YARS1: variants seen among roughly 807,000 people sequenced by gnomAD.
YARS1 encodes tyrosine--tRNA ligase, cytoplasmic.
A neutral mutation model predicts 62.2 loss-of-function variants in YARS1; 36 were observed. The ratio of observed to expected loss-of-function variants is 0.58; its 90% CI spans 0.44 to 0.76. The LOEUF is 0.76. Among genes scored for constraint, YARS1 ranks in the 30% least tolerant of loss-of-function variants. The pLI is 0.00. For missense variants in YARS1, 524 were observed against 639.8 expected, an observed-to-expected ratio of 0.82 and a Z score of 1.95; for synonymous variants, 234 against 244.9, an observed-to-expected ratio of 0.96 and a Z score of 0.42.
chr1:32,806,401 T>TAAAGC, intron 4 of YARS1, 81 bp downstream of exon 4: 1 of 1,609,242 alleles, frequency 6.2e-7, no homozygotes, highest in Non-Finnish European at 8.5e-7. Context: ...CGTAGTGCAG[T>TAAAGC]AAAGCAAAGT....
intron 1 of YARS1, 126 bp from the exon 2 acceptor site, chr1:32,811,183 A>C: frequency 7.0e-7 from 1 of 1,418,890 alleles, no homozygotes; most frequent in South Asian, 1.2e-5. Context: ...AAGGAGGTCC[A>C]GCCATGTTCT....
chr1:32,797,690 C>T, intron 5 of YARS1, 73 bp downstream of exon 5: 2 of 1,251,186 alleles, frequency 1.6e-6, no homozygotes, highest in South Asian at 1.2e-5. Flanking sequence ...GGGACTGACA[C>T]ATCATAGTTC....
At chr1:32,781,565 A>G (rs1653058531) in intron 9 of YARS1, 1 of 175,146 alleles carries the variant, frequency 5.7e-6, no homozygotes, top group African/African-American at 2.4e-5. Flanking sequence ...TTAGAAAAAA[A>G]AAAAAAAAAT....
At chr1:32,781,176 A>G in intron 9 of YARS1, 31 bp from the exon 10 acceptor site, 2 of 1,584,774 alleles carry the variant, frequency 1.3e-6, no homozygotes, top group Middle Eastern at 1.7e-4. Flanking sequence ...ATGAGGTAGA[A>G]TTCTTCCCTG....
intron 4 of YARS1, among the ~76,000 whole-genome samples, chr1:32,806,172 G>A (rs1638463006): frequency 6.6e-6 from 1 of 152,076 alleles, no homozygotes; most frequent in African/African-American, 2.4e-5. Flanking sequence ...CACAGTTTGT[G>A]GTGCCCCAAA....
chr1:32,816,701 A>AG lies in YARS1; in HGVS notation c.57+486dup, dbSNP rs374446106. 2.5e-3 allele frequency: 407 copies of AG among 164,206 alleles called. 2 individuals are homozygous for AG. The highest frequency in any genetic ancestry group is 7.3e-3 in the African/African-American group (305 of 41,662). The allele number at this position is 164,206 out of a possible 1,614,324, so 10.2% of individuals were successfully genotyped here. A position where few individuals can be genotyped will look rare whatever the true frequency, so the allele number is the denominator to read the frequency against. ...TAACAAACGGAACATTTGTGGAGTGAGGGGGGGGGATCCATTTCCTTCAAG... is the reference window on the plus strand; with the variant it reads ...TAACAAACGGAACATTTGTGGAGTGAGGGGGGGGGGATCCATTTCCTTCAAG... On this transcript the variant is annotated intron_variant, in intron 1 of 12. Coordinates refer to ENST00000373477, the MANE Select transcript of YARS1 (RefSeq NM_003680.4).
intron 6 of YARS1, among the ~76,000 whole-genome samples, chr1:32,787,677 TTTTG>T (rs1463116916): frequency 1.3e-5 from 2 of 151,922 alleles, no homozygotes; most frequent in South Asian, 2.1e-4. Context: ...GCCCAGCTAA[TTTTG>T]TTTTTGTATT....
At chr1:32,805,203 C>T (rs1195803324) in intron 4 of YARS1, among the ~76,000 whole-genome samples, 4 of 114,126 alleles carry the variant, frequency 3.5e-5, no homozygotes, top group African/African-American at 1.3e-4. Flanking sequence ...GGCTCGGCAT[C>T]AGAGGGAGAC....
At position 32,786,072 on chromosome 1, in the gene YARS1, T is replaced by C. The variant is rs569535826; in HGVS notation, c.906+290A>G. Reference sequence around the variant, plus strand: ...ACATTTACTGATAAGAAATGTTTCCTGAGAAGAGGTGAGACAGAGTCCCTG... The same window carrying C: ...ACATTTACTGATAAGAAATGTTTCCCGAGAAGAGGTGAGACAGAGTCCCTG... On this transcript the variant is annotated intron_variant, in intron 8 of 12. Coordinates refer to ENST00000373477, the MANE Select transcript of YARS1 (RefSeq NM_003680.4). 2.6e-5 allele frequency among the ~76,000 whole-genome samples: 4 copies of C among 152,198 alleles called. No homozygotes were observed. The South Asian group carries it at 8.3e-4, about 32-fold the overall frequency.
rs146211698 is a variant in YARS1 at position 32,781,686 on chromosome 1, T to C, written c.1043-541A>G. The C allele has an allele frequency of 5.6e-3, 941 of 167,320 alleles. 10 individuals are homozygous for C. The highest frequency in any genetic ancestry group is 7.8e-3 in the Non-Finnish European group (600 of 77,326). 10.4% of individuals were successfully genotyped at this position (167,320 alleles called of 1,614,324 possible). A position where few individuals can be genotyped will look rare whatever the true frequency, so the allele number is the denominator to read the frequency against. ...CAACTAAGAGCCAGGCCCATGCACA[T>C]AGAAGGAAACTGGGAGAATCTAAAG... On this transcript the variant is annotated intron_variant, in intron 9 of 12. Coordinates refer to ENST00000373477, the MANE Select transcript of YARS1 (RefSeq NM_003680.4).
chr1:32,795,635 G>A (rs1418689153), intron 5 of YARS1, among the ~76,000 whole-genome samples: 3 of 151,380 alleles, frequency 2.0e-5, no homozygotes, highest in Admixed American at 2.0e-4. Context: ...GTGAAACCCT[G>A]TCTCTACTAA....
chr1:32,812,897 G>A (rs12042173), intron 1 of YARS1, among the ~76,000 whole-genome samples: 2 of 151,180 alleles, frequency 1.3e-5, no homozygotes, highest in African/African-American at 4.9e-5. Flanking sequence ...GAACCTGGAA[G>A]GTGGAGGTTG....
intron 1 of YARS1, among the ~76,000 whole-genome samples, chr1:32,813,391 T>TTACTGCAACCTCCGCC (rs1638628940): frequency 1.3e-5 from 2 of 152,254 alleles, no homozygotes; most frequent in Non-Finnish European, 2.9e-5. Flanking sequence ...TGATCTCCGC[T>TTACTGCAACCTCCGCC]TACTGCAACC....
At chr1:32,794,206 C>T (rs998656583) in intron 5 of YARS1, among the ~76,000 whole-genome samples, 14 of 151,738 alleles carry the variant, frequency 9.2e-5, no homozygotes, top group Non-Finnish European at 5.9e-5. Context: ...AAAAATTAGC[C>T]GGGCGTGGTG....
intron 10 of YARS1, among the ~76,000 whole-genome samples, 176 bp downstream of exon 10, chr1:32,780,872 A>AT (rs1653031294): frequency 6.6e-6 from 1 of 152,188 alleles, no homozygotes; most frequent in Non-Finnish European, 1.5e-5. Flanking sequence ...GTTGCATAAT[A>AT]TCCACAGGCA....
rs1032835961 is a variant in YARS1 at position 32,816,964 on chromosome 1, A to G, written c.57+224T>C. On this transcript the variant is annotated intron_variant, in intron 1 of 12. Coordinates refer to ENST00000373477, the MANE Select transcript of YARS1 (RefSeq NM_003680.4). ...GGATTCAAAGTTTGGCTCCAACACAAGACAACTGGACGCAAGAGGTGAGCC... is the reference window on the plus strand; with the variant it reads ...GGATTCAAAGTTTGGCTCCAACACAGGACAACTGGACGCAAGAGGTGAGCC... 4 of 618,670 alleles carry G rather than the reference A, an allele frequency of 6.5e-6. 1 individual carries two copies. In the South Asian group the frequency reaches 7.6e-5, roughly 12 times the overall value. 38.3% of individuals were successfully genotyped at this position (618,670 alleles called of 1,614,324 possible).
chr1:32,792,363 A>G (rs1653436841), intron 5 of YARS1, among the ~76,000 whole-genome samples: 1 of 152,236 alleles, frequency 6.6e-6, no homozygotes, highest in Non-Finnish European at 1.5e-5. Flanking sequence ...GACAGAACCC[A>G]GGTGATAAGT....
Position 32,786,367 on chromosome 1 carries a change from C to T in YARS1, c.901G>A (p.Ala301Thr). The change falls in exon 8 of 13, where the codon GCT (alanine) becomes ACT (threonine). Residue 301 changes from alanine to threonine, a missense_variant. Coordinates refer to ENST00000373477, the MANE Select transcript of YARS1 (RefSeq NM_003680.4). ...TCCTTTTCCTTTCATGTTACCTCAG[C>T]AGCAAAGTCCTTTTCCAGGTCCACG... ...AYVDLEKDFA[A>T]EVVHPGDLKN... 2 of 1,614,000 alleles carry T rather than the reference C, an allele frequency of 1.2e-6. No homozygotes were observed. Among genetic ancestry groups the T allele is most frequent in the Non-Finnish European group, 1.7e-6 (2 of 1,179,972 alleles).
Position 32,775,993 on chromosome 1 carries a change from C to T in YARS1, c.1575G>A (p.Gly525=), listed in dbSNP as rs943186269. Residue 525 remains glycine (G), a synonymous_variant, in exon 13 of 13, where the codon GGG becomes GGA. Coordinates refer to ENST00000373477, the MANE Select transcript of YARS1 (RefSeq NM_003680.4). Reference sequence around the variant, plus strand: ...GATGCTGGGCTGGCTAGCTAATGTTCCCCCCTTTCAGCGATTTACAGGAAA... The same window carrying T: ...GATGCTGGGCTGGCTAGCTAATGTTTCCCCCTTTCAGCGATTTACAGGAAA... The part of the protein sequence containing the change: ...GSISCKSLKG[G]NIS 1.1e-5 allele frequency: 18 copies of T among 1,613,734 alleles called. No homozygotes were observed. Among genetic ancestry groups the T allele is most frequent in the Admixed American group, 5.0e-5 (3 of 60,002 alleles).
Sources: gnomAD v4.1 joint callset for allele counts (sites outside exome capture counted in the v4.1 genomes callset) on GRCh38, gnomAD v4.1.1 for gene constraint, MANE v1.5 for transcripts, NCBI Gene and HGNC (gene_info 2026-07-23, HGNC 2026-07-21) for gene names.